CLEC9A: variants seen among roughly 807,000 people sequenced by gnomAD.
CLEC9A encodes the protein C-type lectin domain containing 9A.
Under a neutral mutation model 30.0 loss-of-function variants are expected in CLEC9A, and 24 were observed. That is an observed-to-expected ratio of 0.80 (90% CI 0.58 to 1.13). The LOEUF (loss-of-function observed/expected upper bound fraction) is 1.13, where lower values mean the gene tolerates loss of function less well. Ranked by LOEUF, CLEC9A falls within the 50% of genes most tolerant of loss-of-function variation. CLEC9A has a pLI of 0.00. For missense variants in CLEC9A, 251 were observed against 280.9 expected, an observed-to-expected ratio of 0.89 and a Z score of 0.76; for synonymous variants, 111 against 96.8, an observed-to-expected ratio of 1.15 and a Z score of -0.86.
At chr12:10,064,605 C>T in intron 7 of CLEC9A, 127 bp from the exon 8 acceptor site, 1 of 964,716 alleles carries the variant, frequency 1.0e-6, no homozygotes, top group Non-Finnish European at 1.5e-6. Context: ...TATAATACTC[C>T]CTTCTCTCCT....
At chr12:10,031,033 G>A (rs1478319473) in intron 1 of CLEC9A, 61 bp downstream of exon 1, 1 of 152,170 alleles carries the variant, frequency 6.6e-6, no homozygotes, top group Non-Finnish European at 1.5e-5. Flanking sequence ...GACAGAGAAG[G>A]TCATCTGAAC....
In CLEC9A at chr12:10,050,532, C is replaced by T. The variant is rs114464281; in HGVS notation, c.-162-1459C>T. 9.1e-3 allele frequency among the ~76,000 whole-genome samples: 1,388 copies of T among 152,118 alleles called. 23 individuals carry two copies. The highest frequency in any genetic ancestry group is 0.031 in the African/African-American group (1,272 of 41,498). On this transcript the variant is annotated intron_variant, in intron 2 of 8. Transcript: ENST00000355819. ...TGTATAAGTTCTTGAAAATAGTACTCGGAATATAATTAGCAATAAGTAAAG... is the reference window on the plus strand; with the variant it reads ...TGTATAAGTTCTTGAAAATAGTACTTGGAATATAATTAGCAATAAGTAAAG...
In CLEC9A at chr12:10,065,714, A is replaced by C; in HGVS notation, c.*82A>C. On this transcript the variant is annotated 3_prime_UTR_variant, in exon 9 of 9. Transcript: ENST00000355819. ...AACCCACCCCCACCCCCCCTCAAAA[A>C]AACAGAACAGTAAACCAAAATGTGG... The C allele has an allele frequency of 6.5e-7, 1 of 1,529,316 alleles. No homozygotes were observed. Among genetic ancestry groups the C allele is most frequent in the South Asian group, 1.2e-5 (1 of 82,110 alleles). The allele number at this position is 1,529,316 out of a possible 1,614,324, so 94.7% of individuals were successfully genotyped here.
At chr12:10,054,416 A>G in intron 5 of CLEC9A, 65 bp downstream of exon 5, 5 of 1,045,428 alleles carry the variant, frequency 4.8e-6, no homozygotes, top group South Asian at 4.4e-5. Context: ...TAATTTATAA[A>G]TGGATGGAAA....
At chr12:10,052,884 C>T in intron 4 of CLEC9A, 106 bp downstream of exon 4, 1 of 1,266,172 alleles carries the variant, frequency 7.9e-7, no homozygotes, top group Admixed American at 2.5e-5. Context: ...AGATAATCTA[C>T]CTAAGGGTAC....
chr12:10,053,701 A>AT (rs1191146175), intron 4 of CLEC9A, among the ~76,000 whole-genome samples: 3 of 151,308 alleles, frequency 2.0e-5, no homozygotes, highest in Non-Finnish European at 4.4e-5. Flanking sequence ...AATTTTAACT[A>AT]TTTTTCTCTG....
At chr12:10,056,363 T>C (rs899992657) in intron 5 of CLEC9A, among the ~76,000 whole-genome samples, 3 of 152,020 alleles carry the variant, frequency 2.0e-5, no homozygotes, top group Non-Finnish European at 4.4e-5. Context: ...ATCTATACAA[T>C]AGAATACCTT....
Position 10,052,621 on chromosome 12 carries a change from AACC to A in CLEC9A, c.-58-6_-58-4del. The A allele has an allele frequency of 1.3e-6, 2 of 1,584,596 alleles. No individual in the cohort carries two copies. Among genetic ancestry groups the A allele is most frequent in the Non-Finnish European group, 1.7e-6 (2 of 1,165,886 alleles). ...TCAGTTCTTACACCAACCTGCTCCA[AACC>A]ACAAGAGGAGTTACTTGTTCCAGCC... On this transcript the variant is annotated splice_region_variant and splice_polypyrimidine_tract_variant and intron_variant, in intron 3 of 8. Coordinates refer to ENST00000355819, the MANE Select transcript of CLEC9A (RefSeq NM_207345.4).
At chr12:10,044,261 C>T (rs945255769) in intron 2 of CLEC9A, among the ~76,000 whole-genome samples, 1 of 152,146 alleles carries the variant, frequency 6.6e-6, no homozygotes, top group Non-Finnish European at 1.5e-5. Flanking sequence ...ATCTTTTGTC[C>T]ATCCTATATA....
intron 1 of CLEC9A, among the ~76,000 whole-genome samples, chr12:10,035,342 G>T (rs10845023): frequency 0.47 from 71,829 of 152,014 alleles, 20,831 homozygotes; most frequent in Middle Eastern, 0.69. Context: ...AAGGCCCGGG[G>T]GTGGAGCCCT....
At chr12:10,053,493 T>C (rs1362530213) in intron 4 of CLEC9A, among the ~76,000 whole-genome samples, 4 of 152,206 alleles carry the variant, frequency 2.6e-5, no homozygotes, top group Non-Finnish European at 4.4e-5. Context: ...TATCATGCCA[T>C]GCTCTGTCCC....
intron 1 of CLEC9A, among the ~76,000 whole-genome samples, chr12:10,037,456 G>T (rs1865753078): frequency 6.6e-6 from 1 of 152,090 alleles, no homozygotes; most frequent in Non-Finnish European, 1.5e-5. Flanking sequence ...GCAGCTCAGG[G>T]CCAAGGAGGG....
chr12:10,064,971 G>A, intron 8 of CLEC9A, 118 bp downstream of exon 8: 1 of 1,232,194 alleles, frequency 8.1e-7, no homozygotes. Flanking sequence ...AATGTTACAG[G>A]CGGCTAATTG....
At chr12:10,034,032 T>C (rs1300743594) in intron 1 of CLEC9A, among the ~76,000 whole-genome samples, 1 of 152,228 alleles carries the variant, frequency 6.6e-6, no homozygotes, top group Admixed American at 6.5e-5. Context: ...TGTATTAATA[T>C]AGTCACCCAA....
intron 6 of CLEC9A, among the ~76,000 whole-genome samples, chr12:10,061,515 G>T (rs1865997833): frequency 6.6e-6 from 1 of 152,094 alleles, no homozygotes; most frequent in Non-Finnish European, 1.5e-5. Flanking sequence ...AGAGGTGTGT[G>T]TGCAATTAGT....
intron 2 of CLEC9A, among the ~76,000 whole-genome samples, chr12:10,044,028 G>C (rs1865823001): frequency 6.6e-6 from 1 of 152,054 alleles, no homozygotes; most frequent in Non-Finnish European, 1.5e-5. Flanking sequence ...TGTTACAGTT[G>C]AAAGTTGTAA....
intron 2 of CLEC9A, among the ~76,000 whole-genome samples, chr12:10,047,302 G>C (rs1865855201): frequency 6.6e-6 from 1 of 152,148 alleles, no homozygotes; most frequent in Admixed American, 6.5e-5. Flanking sequence ...CCCAAAAATG[G>C]AAAAGCATAT....
intron 6 of CLEC9A, 135 bp downstream of exon 6, chr12:10,061,408 C>T (rs979704525): frequency 2.5e-5 from 20 of 800,114 alleles, no homozygotes; most frequent in Non-Finnish European, 3.1e-5. Flanking sequence ...ATTTTGGTCA[C>T]TCTTCAGTTC....
intron 2 of CLEC9A, among the ~76,000 whole-genome samples, chr12:10,046,109 G>A (rs1337758192): frequency 2.0e-5 from 3 of 152,144 alleles, no homozygotes; most frequent in African/African-American, 7.2e-5. Context: ...TCATGAACAA[G>A]TCACATAGAT....
Sources: gnomAD v4.1 joint callset for allele counts (sites outside exome capture counted in the v4.1 genomes callset) on GRCh38, gnomAD v4.1.1 for gene constraint, MANE v1.5 for transcripts, NCBI Gene and HGNC (gene_info 2026-07-23, HGNC 2026-07-21) for gene names.